The following INTS6 variants were observed in gnomAD, a reference collection of about 807,000 sequenced individuals.
INTS6 encodes the protein integrator complex subunit 6.
A neutral mutation model predicts 104.9 loss-of-function variants in INTS6; 16 were observed. The observed-to-expected ratio is 0.15, with a 90% confidence interval of 0.10 to 0.23. The LOEUF (loss-of-function observed/expected upper bound fraction) is 0.23. Among genes scored for constraint, INTS6 ranks in the 10% least tolerant of loss-of-function variants. INTS6 has a pLI of 1.00. For synonymous variants in INTS6, 324 were observed against 358.7 expected, an observed-to-expected ratio of 0.90 and a Z score of 1.09; for missense variants, 584 against 1,062.8, an observed-to-expected ratio of 0.55 and a Z score of 6.26.
rs999820514 is a variant in INTS6 at position 51,451,276 on chromosome 13, T to C, written c.190-102A>G. ...ACCAAGTAGCAGCTTCACTTTTGGT[T>C]GGTTTGGCTTGGTTAACGTGTTAAT... On this transcript the variant is annotated intron_variant, in intron 2 of 17. Coordinates refer to ENST00000311234, the MANE Select transcript of INTS6 (RefSeq NM_012141.3). The C allele has an allele frequency of 2.3e-5, 21 of 927,532 alleles. No individual in the cohort carries two copies. In the African/African-American group the frequency reaches 2.7e-4, roughly 12 times the overall value. The allele number at this position is 927,532 out of a possible 1,614,324, so 57.5% of individuals were successfully genotyped here.
rs559597117 is a variant in INTS6, at chr13:51,363,812, G to C, written c.*1940C>G. ...GCAGAGAGATAAAGGACAAAAAGAA[G>C]AGATGAACAAAACTGCTACTTCTCA... On this transcript the variant is annotated 3_prime_UTR_variant, in exon 18 of 18. Coordinates refer to ENST00000311234, the MANE Select transcript of INTS6 (RefSeq NM_012141.3). The C allele has an allele frequency of 6.5e-6, 1 of 152,872 alleles. No individual in the cohort carries two copies. The highest frequency in any genetic ancestry group is 1.9e-4 in the East Asian group (1 of 5,206). 9.5% of individuals were successfully genotyped at this position (152,872 alleles called of 1,614,324 possible).
At chr13:51,436,232 G>A (rs754346505) in intron 3 of INTS6, among the ~76,000 whole-genome samples, 5 of 151,908 alleles carry the variant, frequency 3.3e-5, no homozygotes, top group African/African-American at 1.2e-4. Flanking sequence ...TTAACCATGT[G>A]CATTTATTAT....
At chr13:51,373,050 T>A (rs1006544016) in intron 15 of INTS6, among the ~76,000 whole-genome samples, 2 of 151,908 alleles carry the variant, frequency 1.3e-5, no homozygotes, top group South Asian at 2.1e-4. Flanking sequence ...CTGGAAAAAA[T>A]ATTTTTTTTC....
intron 4 of INTS6, among the ~76,000 whole-genome samples, chr13:51,404,930 C>A (rs567688930): frequency 8.1e-6 from 1 of 122,766 alleles, no homozygotes; most frequent in African/African-American, 3.5e-5. Flanking sequence ...ACACATTACA[C>A]ATTGTAATCT....
chr13:51,425,707 T>C (rs1433279879), intron 4 of INTS6, among the ~76,000 whole-genome samples: 2 of 152,080 alleles, frequency 1.3e-5, no homozygotes, highest in African/African-American at 2.4e-5. Context: ...AAAGCAGTAC[T>C]AGAGAGGATT....
intron 4 of INTS6, among the ~76,000 whole-genome samples, chr13:51,399,707 GGTGTGTGTGT>G (rs149002451): frequency 1.8e-4 from 26 of 148,198 alleles, no homozygotes; most frequent in African/African-American, 5.6e-4. Flanking sequence ...AGCCATTGTG[GGTGTGTGTGT>G]GTGTGCGTGT....
the INTS6 span, among the ~76,000 whole-genome samples, chr13:51,340,151 C>T: frequency 6.6e-6 from 1 of 152,152 alleles, no homozygotes. Flanking sequence ...GTGAGCTGCT[C>T]ACTGGTGAGT....
Position 51,452,547 on chromosome 13 carries a change from G to T in INTS6, c.-22C>A, listed in dbSNP as rs532779778. The T allele has an allele frequency of 1.9e-6, 3 of 1,607,568 alleles. No individual in the cohort carries two copies. The highest frequency in any genetic ancestry group is 2.6e-6 in the Non-Finnish European group (3 of 1,176,200). ...GCATAGTGCTGGCCGGGGACACCGG[G>T]GCCCGAGGTGGTGGAGAAAGAGGAG... On this transcript the variant is annotated 5_prime_UTR_variant, in exon 1 of 18. Transcript: ENST00000311234. The surrounding 1 kb of genome is among the most constrained non-coding windows in gnomAD (Gnocchi z 4.2).
At chr13:51,448,374 T>G (rs1247829917) in intron 3 of INTS6, 2 of 152,334 alleles carry the variant, frequency 1.3e-5, no homozygotes, top group East Asian at 1.9e-4. Context: ...TAAATGGTAC[T>G]GATTATCAAA....
chr13:51,421,984 CTTAT>C (rs1448947651), intron 4 of INTS6, among the ~76,000 whole-genome samples: 4 of 151,904 alleles, frequency 2.6e-5, no homozygotes, highest in East Asian at 1.9e-4. Context: ...TGATTTAACG[CTTAT>C]TTATTTAAAT....
At chr13:51,382,247 T>C in intron 9 of INTS6, 124 bp from the exon 10 acceptor site, 1 of 493,648 alleles carries the variant, frequency 2.0e-6, no homozygotes, top group Non-Finnish European at 3.6e-6. Flanking sequence ...TCAGACGTTT[T>C]TTAACATGAA....
chr13:51,343,310 C>T, the INTS6 span, among the ~76,000 whole-genome samples: 1 of 152,210 alleles, frequency 6.6e-6, no homozygotes. Flanking sequence ...GGCTTCACTT[C>T]TGGAAACACT....
rs754099516 is a variant in INTS6, at chr13:51,361,832, T to G, written c.*3920A>C. The G allele has an allele frequency of 6.2e-7, 1 of 1,610,484 alleles. No individual in the cohort carries two copies. Among genetic ancestry groups the G allele is most frequent in the Non-Finnish European group, 8.5e-7 (1 of 1,178,318 alleles). ...CAGCTCTGTTGTTATTGAAAAGGTC[T>G]CGGATTCCTATTTTTAAAGCAGATC... On this transcript the variant is annotated 3_prime_UTR_variant, in exon 18 of 18. Coordinates refer to ENST00000311234, the MANE Select transcript of INTS6 (RefSeq NM_012141.3).
intron 4 of INTS6, among the ~76,000 whole-genome samples, chr13:51,412,289 T>C (rs1235978712): frequency 1.3e-5 from 2 of 150,988 alleles, no homozygotes; most frequent in African/African-American, 2.5e-5. Context: ...TGTTTCATTA[T>C]ATATAAATTA....
intron 3 of INTS6, chr13:51,450,227 C>T (rs1265854907): frequency 2.0e-6 from 2 of 984,500 alleles, no homozygotes; most frequent in African/African-American, 1.7e-5. Context: ...TAACATTATA[C>T]ATTGTTCAGT....
rs771048218 is a variant in INTS6 at position 51,449,471 on chromosome 13, G to A, written c.339+1554C>T. ...GCCTCTCCATGACAAGCAGTTTTTC[G>A]AAGGAAGCAATCTTTAAGAAGTATT... On this transcript the variant is annotated intron_variant, in intron 3 of 17. Transcript: ENST00000311234. 3.8e-4 allele frequency: 374 copies of A among 985,134 alleles called. 2 individuals carry two copies. Among genetic ancestry groups the A allele is most frequent in the Non-Finnish European group, 4.2e-4 (346 of 829,782 alleles). 61.0% of individuals were successfully genotyped at this position (985,134 alleles called of 1,614,324 possible).
chr13:51,390,402 TATTTTTA>T (rs1004043638), intron 5 of INTS6, among the ~76,000 whole-genome samples: 1 of 151,942 alleles, frequency 6.6e-6, no homozygotes, highest in Non-Finnish European at 1.5e-5. Flanking sequence ...TAATTTCATC[TATTTTTA>T]ATTTTTAAAG....
the INTS6 span, among the ~76,000 whole-genome samples, chr13:51,343,738 T>C: frequency 7.2e-5 from 11 of 152,342 alleles, no homozygotes; most frequent in Admixed American, 6.5e-4. Flanking sequence ...TTACTCAGGC[T>C]CATGACACGC....
Position 51,383,398 on chromosome 13 carries a change from T to C in INTS6, c.1111A>G (p.Ser371Gly). 6.2e-7 allele frequency: 1 copy of C among 1,614,100 alleles called. No homozygotes were observed. ...LGHPFGYLKA[S>G]TALNCVNLFV... ...AAGTTGACACAGTTCAGTGCTGTACTGGCTTTCAAGTAACCAAAAGGATGA... is the reference window on the plus strand; with the variant it reads ...AAGTTGACACAGTTCAGTGCTGTACCGGCTTTCAAGTAACCAAAAGGATGA... Residue 371 changes from serine (S) to glycine (G), a missense_variant, in exon 9 of 18, where the codon AGT (serine) becomes GGT (glycine). This residue lies in a region of INTS6 where 144 missense variants were observed against 348.7 expected (regional missense o/e 0.41). Coordinates refer to ENST00000311234, the MANE Select transcript of INTS6 (RefSeq NM_012141.3).
Sources: gnomAD v4.1 joint callset for allele counts (sites outside exome capture counted in the v4.1 genomes callset) on GRCh38, gnomAD v4.1.1 for gene constraint, gnomAD v4.1.1 regional missense constraint, Gnocchi (gnomAD v3.1) non-coding constraint, MANE v1.5 for transcripts, NCBI Gene and HGNC (gene_info 2026-07-23, HGNC 2026-07-21) for gene names.